Variants in CSMD1 observed in about 807,000 individuals in gnomAD.
CSMD1 encodes the protein CUB and Sushi multiple domains 1, also known as CUB and sushi domain-containing protein 1.
Under a neutral mutation model 417.5 loss-of-function variants are expected in CSMD1, and 213 were observed. The ratio of observed to expected loss-of-function variants is 0.51; its 90% confidence interval spans 0.46 to 0.57. The LOEUF (loss-of-function observed/expected upper bound fraction) is 0.57, where lower values mean the gene tolerates loss of function less well. CSMD1 is among the 20% of genes least tolerant of loss of function. The probability of loss-of-function intolerance (pLI) is 0.00; values close to 1 mark genes in which losing one functional copy is unlikely to be tolerated. For synonymous variants in CSMD1, 2,862 were observed against 1,736.8 expected (o/e 1.65, Z -16.11); for missense variants, 6,923 against 4,529.7 (o/e 1.53, Z -15.17).
chr8:3,784,623 G>T (rs912439543), intron 5 of CSMD1, among the ~76,000 whole-genome samples: 1 of 152,138 alleles, frequency 6.6e-6, no homozygotes, highest in African/African-American at 2.4e-5. Context: ...ACAGAAAAAT[G>T]AATAAATCAA....
intron 5 of CSMD1, among the ~76,000 whole-genome samples, chr8:3,918,726 G>C (rs571432264): frequency 1.3e-5 from 2 of 152,240 alleles, no homozygotes; most frequent in African/African-American, 4.8e-5. Context: ...GGCATTTGCA[G>C]CAACCTGGAT....
At chr8:3,972,348 A>G (rs895733216) in intron 5 of CSMD1, among the ~76,000 whole-genome samples, 1 of 152,210 alleles carries the variant, frequency 6.6e-6, no homozygotes, top group East Asian at 1.9e-4. Context: ...TTCTCAAAAT[A>G]TCATTTAATT....
At chr8:4,261,216 A>C (rs1585117291) in intron 3 of CSMD1, among the ~76,000 whole-genome samples, 1 of 152,206 alleles carries the variant, frequency 6.6e-6, no homozygotes, top group African/African-American at 2.4e-5. Flanking sequence ...AGAAAGGAGG[A>C]CCAGCCATTC....
At chr8:3,310,887 T>TA (rs1248367838) in intron 23 of CSMD1, among the ~76,000 whole-genome samples, 61 of 152,236 alleles carry the variant, frequency 4.0e-4, no homozygotes, top group Non-Finnish European at 8.2e-4. Flanking sequence ...TCTGGAGTTT[T>TA]AAAAAAAGTT....
At chr8:3,271,727 T>C (rs1047398674) in intron 26 of CSMD1, among the ~76,000 whole-genome samples, 3 of 152,216 alleles carry the variant, frequency 2.0e-5, no homozygotes, top group Non-Finnish European at 2.9e-5. Flanking sequence ...ATAAATGTCT[T>C]CTTTTGAGAA....
chr8:3,488,223 C>T (rs906505656), intron 11 of CSMD1, among the ~76,000 whole-genome samples: 5 of 152,020 alleles, frequency 3.3e-5, no homozygotes, highest in Admixed American at 3.3e-4. Context: ...TCACCTTAGC[C>T]TCCTGAGTAG....
chr8:4,451,979 C>T (rs1799174559), intron 2 of CSMD1, among the ~76,000 whole-genome samples: 1 of 148,870 alleles, frequency 6.7e-6, no homozygotes, highest in African/African-American at 2.4e-5. Context: ...ATTTGATATA[C>T]ATATAGTTTG....
chr8:4,668,437 A>ATTG, intron 1 of CSMD1, among the ~76,000 whole-genome samples: 1 of 144,886 alleles, frequency 6.9e-6, no homozygotes, highest in African/African-American at 2.5e-5. Flanking sequence ...TATTATTATT[A>ATTG]TTATTATTAT....
At chr8:3,166,888 A>G (rs1053611531) in intron 37 of CSMD1, among the ~76,000 whole-genome samples, 3 of 152,188 alleles carry the variant, frequency 2.0e-5, no homozygotes, top group African/African-American at 7.2e-5. Flanking sequence ...GTTTAGGAAA[A>G]TTTTCAAGAG....
intron 3 of CSMD1, among the ~76,000 whole-genome samples, chr8:4,270,046 A>G (rs1433417098): frequency 6.6e-6 from 1 of 152,228 alleles, no homozygotes; most frequent in Non-Finnish European, 1.5e-5. Context: ...TTTATGATTA[A>G]TGATGAAATA....
intron 2 of CSMD1, among the ~76,000 whole-genome samples, chr8:4,473,041 A>T (rs918566203): frequency 6.6e-6 from 1 of 152,130 alleles, no homozygotes; most frequent in African/African-American, 2.4e-5. Context: ...CAAAATATTC[A>T]AATTCTGCAT....
intron 28 of CSMD1, among the ~76,000 whole-genome samples, chr8:3,222,030 C>T (rs1798246566): frequency 6.6e-6 from 1 of 152,110 alleles, no homozygotes; most frequent in Non-Finnish European, 1.5e-5. Flanking sequence ...GTCTCTCCCT[C>T]CTCACTACTT....
chr8:3,382,137 T>C (rs913712150), intron 18 of CSMD1, among the ~76,000 whole-genome samples: 1 of 151,906 alleles, frequency 6.6e-6, no homozygotes, highest in African/African-American at 2.4e-5. Flanking sequence ...TGGGAGCCTG[T>C]AATCCCGGCT....
intron 5 of CSMD1, among the ~76,000 whole-genome samples, chr8:3,951,966 T>C (rs1811627959): frequency 6.6e-6 from 1 of 152,044 alleles, no homozygotes; most frequent in African/African-American, 2.4e-5. Flanking sequence ...AAAGTAATAA[T>C]AAAGGAAATT....
At chr8:3,371,426 G>T (rs943832527) in intron 18 of CSMD1, among the ~76,000 whole-genome samples, 1 of 151,208 alleles carries the variant, frequency 6.6e-6, no homozygotes, top group Non-Finnish European at 1.5e-5. Flanking sequence ...TCTCACAAGT[G>T]AAACATCACT....
At chr8:3,965,249 C>T (rs1026129089) in intron 5 of CSMD1, among the ~76,000 whole-genome samples, 1 of 152,200 alleles carries the variant, frequency 6.6e-6, no homozygotes, top group Non-Finnish European at 1.5e-5. Context: ...GCTTTCCACT[C>T]AGCCTTTGGT....
intron 23 of CSMD1, among the ~76,000 whole-genome samples, chr8:3,327,780 A>G (rs1303334390): frequency 6.6e-6 from 1 of 152,214 alleles, no homozygotes; most frequent in Non-Finnish European, 1.5e-5. Context: ...TATCTTTTAA[A>G]CAAATTGTGA....
chr8:3,911,133 G>C (rs1431497911), intron 5 of CSMD1, among the ~76,000 whole-genome samples: 1 of 152,104 alleles, frequency 6.6e-6, no homozygotes, highest in Non-Finnish European at 1.5e-5. Flanking sequence ...GCCAATCACA[G>C]GACTCAAAGA....
rs78966352 is a variant in CSMD1, at chr8:3,760,430, C to T, written c.819-6388G>A. Among the ~76,000 whole-genome samples, 523 of 152,314 alleles carry T rather than the reference C, an allele frequency of 3.4e-3. 8 individuals carry two copies. The East Asian group carries it at 0.05, about 15-fold the overall frequency. ...CGACCTCCTTTGAGCTTAAATAGAA[C>T]AGGCCAGTCTGTTTCATTTTCTCCA... On this transcript the variant is annotated intron_variant, in intron 5 of 69. Coordinates refer to ENST00000635120, the MANE Select transcript of CSMD1 (RefSeq NM_033225.6).
Sources: gnomAD v4.1 joint callset for allele counts (sites outside exome capture counted in the v4.1 genomes callset) on GRCh38, gnomAD v4.1.1 for gene constraint, MANE v1.5 for transcripts, NCBI Gene and HGNC (gene_info 2026-07-23, HGNC 2026-07-21) for gene names.